RELB: variants seen among roughly 807,000 people sequenced by gnomAD.
RELB encodes the protein transcription factor RelB.
RELB carries 14 observed loss-of-function variants against 55.4 expected under a neutral mutation model. That is an observed-to-expected ratio of 0.25 (90% CI 0.17 to 0.40). The LOEUF (loss-of-function observed/expected upper bound fraction) is 0.40. Among genes scored for constraint, RELB ranks in the 10% least tolerant of loss-of-function variants. RELB has a pLI of 1.00. For synonymous variants in RELB, 409 were observed against 371.3 expected, an observed-to-expected ratio of 1.10 and a Z score of -1.17; for missense variants, 669 against 830.7, an observed-to-expected ratio of 0.81 and a Z score of 2.39.
chr19:45,035,785 C>T (rs1000129253), intron 11 of RELB, among the ~76,000 whole-genome samples: 19 of 152,208 alleles, frequency 1.2e-4, no homozygotes, highest in African/African-American at 4.6e-4. Flanking sequence ...AAGATGGTGC[C>T]ACTGTGTTCC....
At chr19:45,004,444 G>A (rs955067213) in intron 2 of RELB, among the ~76,000 whole-genome samples, 5 of 146,898 alleles carry the variant, frequency 3.4e-5, no homozygotes, top group Admixed American at 1.4e-4. Context: ...GGCTGGTCTC[G>A]AACTCCTGAC....
intron 4 of RELB, among the ~76,000 whole-genome samples, chr19:45,014,527 G>GAT (rs1555725860): frequency 8.8e-5 from 13 of 147,622 alleles, no homozygotes; most frequent in African/African-American, 3.0e-4. Context: ...TTGTTTTTTG[G>GAT]TTTTTTTTTT....
chr19:45,032,893 C>T, intron 9 of RELB, 144 bp downstream of exon 9: 1 of 720,512 alleles, frequency 1.4e-6, no homozygotes. Context: ...GGCTCTGCTG[C>T]TTACTGGTTG....
chr19:45,009,943 C>A, intron 3 of RELB, 121 bp downstream of exon 3: 3 of 1,014,692 alleles, frequency 3.0e-6, no homozygotes, highest in Non-Finnish European at 4.5e-6. Context: ...ACTTCCAGGA[C>A]TGTGGAGGGA....
rs139141552 is a variant in RELB, at chr19:45,010,309, T to C, written c.163+487T>C. On this transcript the variant is annotated intron_variant, in intron 3 of 11. Transcript: ENST00000221452. ...CAGCCTGGGCGGCAGAGCAAGACCG[T>C]GTCTCAAAAAGAAAACCAATTAAAA... 7.0e-3 allele frequency among the ~76,000 whole-genome samples: 498 copies of C among 71,090 alleles called. 24 individuals carry two copies. Among genetic ancestry groups the C allele is most frequent in the African/African-American group, 0.019 (457 of 23,692 alleles). The allele number at this position is 71,090 out of a possible 152,430, so 46.6% of individuals were successfully genotyped here. A position where few individuals can be genotyped will look rare whatever the true frequency, so the allele number is the denominator to read the frequency against.
intron 2 of RELB, among the ~76,000 whole-genome samples, chr19:45,007,990 G>C (rs867108467): frequency 1.8e-5 from 2 of 108,502 alleles, no homozygotes; most frequent in African/African-American, 7.2e-5. Context: ...CCCCGTCTCT[G>C]CTAAAAATAC....
chr19:45,010,251 G>A (rs1484343886), intron 3 of RELB, among the ~76,000 whole-genome samples: 2 of 147,354 alleles, frequency 1.4e-5, no homozygotes, highest in Non-Finnish European at 3.0e-5. Flanking sequence ...GGAAGCCGAG[G>A]CTGCAGTGAG....
At chr19:45,032,885 C>T in intron 9 of RELB, 136 bp downstream of exon 9, 1 of 748,384 alleles carries the variant, frequency 1.3e-6, no homozygotes, top group Non-Finnish European at 2.2e-6. Flanking sequence ...CAGATCCTGG[C>T]TCTGCTGCTT....
In RELB at chr19:45,001,578, G is replaced by A; in HGVS notation, c.-2G>A. ...TCCCGGCCGCCCGGCCGGCCCGCGT[G>A]CATGCTTCGGTCTGGGCCAGCCTCT... On this transcript the variant is annotated 5_prime_UTR_variant, in exon 1 of 12. Transcript: ENST00000221452. 1.4e-6 allele frequency: 2 copies of A among 1,455,510 alleles called. No homozygotes were observed. The highest frequency in any genetic ancestry group is 1.8e-6 in the Non-Finnish European group (2 of 1,108,634). 90.2% of individuals were successfully genotyped at this position (1,455,510 alleles called of 1,614,324 possible).
At chr19:45,026,653 A>C (rs1971562042) in intron 7 of RELB, among the ~76,000 whole-genome samples, 1 of 152,180 alleles carries the variant, frequency 6.6e-6, no homozygotes, top group Non-Finnish European at 1.5e-5. Flanking sequence ...CAGCATAAGT[A>C]ATAATCTCTC....
At position 45,001,701 on chromosome 19, in the gene RELB, G is replaced by T. The variant is rs1434780775; in HGVS notation, c.106+16G>T. ...GGGGCCTTAGGTAAGCGGGGCTGGG[G>T]TTCAGGAGAGGGGTCTGGGGCGGGG... On this transcript the variant is annotated intron_variant, in intron 1 of 11. Coordinates refer to ENST00000221452, the MANE Select transcript of RELB (RefSeq NM_006509.4). The T allele has an allele frequency of 6.8e-7, 1 of 1,478,278 alleles. No individual in the cohort carries two copies. Among genetic ancestry groups the T allele is most frequent in the South Asian group, 1.2e-5 (1 of 80,774 alleles). The allele number at this position is 1,478,278 out of a possible 1,614,324, so 91.6% of individuals were successfully genotyped here. A position where few individuals can be genotyped will look rare whatever the true frequency, so the allele number is the denominator to read the frequency against.
At position 45,037,814 on chromosome 19, in the gene RELB, A is replaced by G. The variant is rs1971716491; in HGVS notation, c.*24A>G. ...AGCCCCGCGATGCCAGAGGAGGGGC[A>G]CTGGGTGGGGAGGGAGGTGGAGGAG... On this transcript the variant is annotated 3_prime_UTR_variant, in exon 12 of 12. Transcript: ENST00000221452. 6.8e-7 allele frequency: 1 copy of G among 1,476,090 alleles called. No individual in the cohort carries two copies. Among genetic ancestry groups the G allele is most frequent in the Non-Finnish European group, 8.9e-7 (1 of 1,117,848 alleles). The allele number at this position is 1,476,090 out of a possible 1,614,324, so 91.4% of individuals were successfully genotyped here. A position where few individuals can be genotyped will look rare whatever the true frequency, so the allele number is the denominator to read the frequency against.
Position 45,003,462 on chromosome 19 carries a change from G to T in RELB, c.154+466G>T, listed in dbSNP as rs559543577. On this transcript the variant is annotated intron_variant, in intron 2 of 11. Coordinates refer to ENST00000221452, the MANE Select transcript of RELB (RefSeq NM_006509.4). ...TGCACTCCAGCCTGGGAGACAGAGC[G>T]AGACTCCGACTCAAAAAAAAAAAAA... The T allele has an allele frequency of 1.3e-4, 58 of 447,220 alleles. No homozygotes were observed. The East Asian group carries it at 3.4e-3, about 26-fold the overall frequency. The allele number at this position is 447,220 out of a possible 1,614,324, so 27.7% of individuals were successfully genotyped here.
chr19:45,031,435 T>C (rs1258221375), intron 8 of RELB, among the ~76,000 whole-genome samples: 2 of 152,098 alleles, frequency 1.3e-5, no homozygotes, highest in Non-Finnish European at 2.9e-5. Context: ...AGGCACCTTT[T>C]TTCTCTGCTG....
intron 7 of RELB, 99 bp downstream of exon 7, chr19:45,025,836 C>T (rs1279216679): frequency 8.9e-6 from 13 of 1,458,732 alleles, no homozygotes; most frequent in African/African-American, 1.4e-5. Context: ...CTGTGGCTCA[C>T]GCCTGTAATC....
At chr19:45,033,580 G>T (rs1396217636) in intron 9 of RELB, among the ~76,000 whole-genome samples, 1 of 151,930 alleles carries the variant, frequency 6.6e-6, no homozygotes, top group African/African-American at 2.4e-5. Flanking sequence ...AGCTACTCGG[G>T]AGGCTGAGGC....
At chr19:45,009,886 T>G in intron 3 of RELB, 64 bp downstream of exon 3, 2 of 1,297,206 alleles carry the variant, frequency 1.5e-6, no homozygotes, top group Non-Finnish European at 2.2e-6. Flanking sequence ...GAAGGGGGTC[T>G]TGGCCTTCCT....
At position 45,007,773 on chromosome 19, in the gene RELB, G is replaced by A. The variant is rs187866688; in HGVS notation, c.155-2041G>A. Among the ~76,000 whole-genome samples, 648 of 151,522 alleles carry A rather than the reference G, an allele frequency of 4.3e-3. 13 individuals carry two copies. Among genetic ancestry groups the A allele is most frequent in the African/African-American group, 0.015 (622 of 41,298 alleles). On this transcript the variant is annotated intron_variant, in intron 2 of 11. Transcript: ENST00000221452. ...CTCAGGAGGCTGAGGCAGGAGAATC[G>A]CTAGAACCCGGGAGGCAGAGGTTGC...
At chr19:45,008,353 C>G (rs1971308762) in intron 2 of RELB, 4 of 452,416 alleles carry the variant, frequency 8.8e-6, no homozygotes, top group East Asian at 1.4e-4. Context: ...TGAACAGAGG[C>G]AGTGAACCCA....
Sources: gnomAD v4.1 joint callset for allele counts (sites outside exome capture counted in the v4.1 genomes callset) on GRCh38, gnomAD v4.1.1 for gene constraint, MANE v1.5 for transcripts, NCBI Gene and HGNC (gene_info 2026-07-23, HGNC 2026-07-21) for gene names.